Variants in GLRA2 observed in about 807,000 individuals in gnomAD.
The protein encoded by GLRA2 is glycine receptor alpha 2.
GLRA2 carries 11 observed loss-of-function variants against 31.6 expected under a neutral mutation model. The observed-to-expected ratio is 0.35, with a 90% CI of 0.22 to 0.58. GLRA2 has a LOEUF of 0.58. Ranked by LOEUF, GLRA2 falls within the 20% of genes least tolerant of loss-of-function variation. The probability of loss-of-function intolerance (pLI) is 0.84; values close to 1 mark genes in which losing one functional copy is unlikely to be tolerated. For missense variants in GLRA2, 212 were observed against 351.8 expected, an observed-to-expected ratio of 0.60 and a Z score of 3.18; for synonymous variants, 132 against 134.0, an observed-to-expected ratio of 0.99 and a Z score of 0.10.
At chrX:14,551,238 T>C (rs933619446) in intron 2 of GLRA2, among the ~76,000 whole-genome samples, 40 of 111,738 alleles carry the variant, frequency 3.6e-4, no homozygotes, top group Admixed American at 1.4e-3. Context: ...TAAAGATTTG[T>C]GTTGTTATAC....
intron 4 of GLRA2, among the ~76,000 whole-genome samples, chrX:14,587,701 T>G (rs1384544908): frequency 2.7e-5 from 3 of 111,953 alleles, no homozygotes. Flanking sequence ...TTTTATCAGA[T>G]GCATAGTTTG....
At chrX:14,647,040 C>A (rs749382223) in intron 7 of GLRA2, among the ~76,000 whole-genome samples, 1 of 111,548 alleles carries the variant, frequency 9.0e-6, no homozygotes, top group South Asian at 3.8e-4. Flanking sequence ...GAGCCTGACA[C>A]GGGGAAGCAT....
the GLRA2 span, among the ~76,000 whole-genome samples, chrX:14,480,466 A>T: frequency 9.0e-6 from 1 of 111,563 alleles, no homozygotes; most frequent in African/African-American, 3.3e-5. Flanking sequence ...GATGTTTCCT[A>T]TGTTTTCTTC....
At chrX:14,681,910 A>AATATATATATATAT (rs1556060452) in intron 7 of GLRA2, among the ~76,000 whole-genome samples, 15 of 41,272 alleles carry the variant, frequency 3.6e-4, no homozygotes, top group African/African-American at 1.5e-3. Context: ...AAAAAAAAAA[A>AATATATATATATAT]ATATATATAT....
At chrX:14,688,245 G>T (rs2091302079) in intron 7 of GLRA2, among the ~76,000 whole-genome samples, 1 of 111,739 alleles carries the variant, frequency 8.9e-6, no homozygotes, top group South Asian at 3.8e-4. Context: ...CTACTCGGGG[G>T]TCAGGGACCC....
intron 7 of GLRA2, among the ~76,000 whole-genome samples, chrX:14,655,764 C>T (rs1337895077): frequency 9.0e-6 from 1 of 111,625 alleles, no homozygotes; most frequent in Non-Finnish European, 1.9e-5. Context: ...GTGAGCTATG[C>T]TTCCACTGGG....
chrX:14,583,206 T>C lies in GLRA2; in HGVS notation c.494+1800T>C, dbSNP rs192097739. ...GGTCACAGAGAAAACGGAACACTTA[T>C]ACACTGCTGGTGGGAATGTAAATTA... On this transcript the variant is annotated intron_variant, in intron 4 of 8. Coordinates refer to ENST00000218075, the MANE Select transcript of GLRA2 (RefSeq NM_002063.4). Among the ~76,000 whole-genome samples the C allele has an allele frequency of 9.5e-4, 107 of 112,154 alleles. No individual in the cohort carries two copies. The Admixed American group carries it at 0.01, about 11-fold the overall frequency.
chrX:14,527,208 C>T (rs1422898076), upstream of GLRA2, among the ~76,000 whole-genome samples: 1 of 111,704 alleles, frequency 9.0e-6, no homozygotes, highest in African/African-American at 3.3e-5. Context: ...TCTCTAATGT[C>T]CCTTACAACT....
chrX:14,575,102 C>A (rs1218699127), intron 3 of GLRA2, among the ~76,000 whole-genome samples: 33 of 108,912 alleles, frequency 3.0e-4, no homozygotes, highest in East Asian at 5.7e-4. Context: ...AAAAAAAAAA[C>A]CCCTAAACTT....
At chrX:14,697,641 G>T (rs1184536835) in intron 8 of GLRA2, among the ~76,000 whole-genome samples, 1 of 110,998 alleles carries the variant, frequency 9.0e-6, no homozygotes, top group Non-Finnish European at 1.9e-5. Flanking sequence ...ATCAGTGATG[G>T]GTCACTGCTG....
Position 14,529,660 on chromosome X carries a change from T to A in GLRA2, c.-398T>A. 1 of 152,547 alleles carries A rather than the reference T, an allele frequency of 6.6e-6. No individual in the cohort carries two copies. Among genetic ancestry groups the A allele is most frequent in the Non-Finnish European group, 1.3e-5 (1 of 79,616 alleles). The allele number at this position is 152,547 out of a possible 1,213,427, so 12.6% of individuals were successfully genotyped here. On this transcript the variant is annotated 5_prime_UTR_variant, in exon 1 of 9. Coordinates refer to ENST00000218075, the MANE Select transcript of GLRA2 (RefSeq NM_002063.4). ...TACAACTTCTTTTTAAAAGAAAACA[T>A]TTTCTAGAAAAAGGGCTTTGCTAAA...
At chrX:14,652,894 G>A (rs1046473716) in intron 7 of GLRA2, among the ~76,000 whole-genome samples, 3 of 111,768 alleles carry the variant, frequency 2.7e-5, no homozygotes, top group African/African-American at 3.2e-5. Flanking sequence ...AGTAAGGAAC[G>A]TAAGTAAAAA....
the GLRA2 span, among the ~76,000 whole-genome samples, chrX:14,476,023 T>C: frequency 9.0e-6 from 1 of 111,636 alleles, no homozygotes; most frequent in Non-Finnish European, 1.9e-5. Context: ...CCTGGCACAC[T>C]TGTTAAAGCA....
the GLRA2 span, among the ~76,000 whole-genome samples, chrX:14,464,550 T>C: frequency 7.1e-3 from 790 of 111,211 alleles, 3 homozygotes; most frequent in Non-Finnish European, 0.011. Context: ...GTATCTATTT[T>C]TTATTTATTT....
intron 7 of GLRA2, among the ~76,000 whole-genome samples, chrX:14,611,961 T>C (rs896921622): frequency 8.9e-6 from 1 of 111,780 alleles, no homozygotes; most frequent in African/African-American, 3.2e-5. Context: ...TGAAGCAGAA[T>C]CCATGGGTGA....
At chrX:14,618,665 T>C (rs1435117624) in intron 7 of GLRA2, among the ~76,000 whole-genome samples, 4 of 111,697 alleles carry the variant, frequency 3.6e-5, no homozygotes, top group Non-Finnish European at 7.5e-5. Flanking sequence ...CAGGGTCTTA[T>C]AAGGCTGAAA....
chrX:14,585,279 A>G (rs1306878068), intron 4 of GLRA2, among the ~76,000 whole-genome samples: 1 of 111,896 alleles, frequency 8.9e-6, no homozygotes, highest in Admixed American at 9.6e-5. Context: ...CTAGAGATCC[A>G]GAACTAAGTA....
intron 4 of GLRA2, among the ~76,000 whole-genome samples, chrX:14,590,764 C>T (rs999221336): frequency 8.9e-5 from 10 of 112,263 alleles, no homozygotes; most frequent in African/African-American, 3.2e-4. Flanking sequence ...AACTCTGTGT[C>T]CAAATCCTCA....
the GLRA2 span, among the ~76,000 whole-genome samples, chrX:14,503,835 G>C: frequency 4.5e-5 from 5 of 111,650 alleles, no homozygotes; most frequent in Non-Finnish European, 9.4e-5. Context: ...TCTGAGGGTG[G>C]GGCCCAGGCA....
Sources: allele counts gnomAD v4.1 joint callset (sites outside exome capture counted in the v4.1 genomes callset), GRCh38; gene constraint gnomAD v4.1.1; transcripts MANE v1.5; gene names NCBI Gene and HGNC (gene_info 2026-07-23, HGNC 2026-07-21).